VARS1: variants seen among roughly 807,000 people sequenced by gnomAD.
The protein encoded by VARS1 is valine--tRNA ligase.
A neutral mutation model predicts 161.0 loss-of-function variants in VARS1; 92 were observed. The observed-to-expected ratio is 0.57, with a 90% CI of 0.48 to 0.68. The LOEUF (loss-of-function observed/expected upper bound fraction) is 0.68. Among genes scored for constraint, VARS1 ranks in the 30% least tolerant of loss-of-function variants. VARS1 has a pLI of 0.00. For synonymous variants in VARS1, 595 were observed against 682.5 expected, an observed-to-expected ratio of 0.87 and a Z score of 2.00; for missense variants, 1,338 against 1,695.9, an observed-to-expected ratio of 0.79 and a Z score of 3.71.
chr6:31,791,850 T>C lies in VARS1; in HGVS notation c.972+21A>G, dbSNP rs546794433. 7.9e-5 allele frequency: 128 copies of C among 1,611,272 alleles called. No individual in the cohort carries two copies. Among genetic ancestry groups the C allele is most frequent in the Admixed American group, 3.5e-4 (21 of 59,900 alleles). On this transcript the variant is annotated intron_variant, in intron 7 of 29. Transcript: ENST00000375663. The surrounding 1 kb of genome is among the most constrained non-coding windows in gnomAD (Gnocchi z 5.0). ...TTCCCCACCCCACCCACTCTGGGCC[T>C]GGGCAGCAGTGCCTACTCACCCCAT...
At position 31,795,288 on chromosome 6, in the gene VARS1, G is replaced by T; in HGVS notation, c.-33-38C>A. On this transcript the variant is annotated intron_variant, in intron 1 of 29. Coordinates refer to ENST00000375663, the MANE Select transcript of VARS1 (RefSeq NM_006295.3). This position sits in a 1 kb window ranked among gnomAD's most constrained non-coding sequence, Gnocchi z 6.9. The stretch of plus-strand genomic sequence containing the variant: ...AGAGACAGGGGAAGACTGCGGGATC[G>T]AGGTGGGTCCTATGTTTGAGTAGAG... The T allele has an allele frequency of 7.5e-7, 1 of 1,327,416 alleles. No homozygotes were observed. The highest frequency in any genetic ancestry group is 2.5e-5 in the East Asian group (1 of 39,346). The allele number at this position is 1,327,416 out of a possible 1,614,324, so 82.2% of individuals were successfully genotyped here.
At chr6:31,794,652 G>A (rs759969927) in intron 2 of VARS1, among the ~76,000 whole-genome samples, 179 bp downstream of exon 2, 6 of 152,212 alleles carry the variant, frequency 3.9e-5, no homozygotes, top group Non-Finnish European at 7.3e-5. Flanking sequence ...GACATAGGAA[G>A]ACCAAGACAC....
rs5030798 is a variant in VARS1, at chr6:31,779,733, C to A, written c.3163G>T (p.Val1055Phe). 6.2e-7 allele frequency: 1 copy of A among 1,613,022 alleles called. No individual in the cohort carries two copies. The highest frequency in any genetic ancestry group is 8.5e-7 in the Non-Finnish European group (1 of 1,179,998). The change falls in exon 27 of 30, where the codon GTT becomes TTT. Residue 1055 changes from valine (V) to phenylalanine (F), a missense_variant. Physicochemically the swap from Val to Phe is conservative, Grantham distance 50. Around this residue, in one of 3 missense-constraint regions of VARS1, gnomAD observed 433 missense variants for 586.2 expected, o/e 0.74. Transcript: ENST00000375663. This position sits in a 1 kb window ranked among gnomAD's most constrained non-coding sequence, Gnocchi z 9.1. ...AAGGGTGAGAGCAGCCGCAGGCCAACGTCCAGGCAAGTGTACAGGGTCTGG... is the reference window on the plus strand; with the variant it reads ...AAGGGTGAGAGCAGCCGCAGGCCAAAGTCCAGGCAAGTGTACAGGGTCTGG... Reference protein sequence around the residue: ...ARQTLYTCLDVGLRLLSPFMP... With the variant: ...ARQTLYTCLDFGLRLLSPFMP...
Position 31,781,666 on chromosome 6 carries a change from C to G in VARS1, c.2418+25G>C, listed in dbSNP as rs944459535. On this transcript the variant is annotated intron_variant, in intron 20 of 29. Coordinates refer to ENST00000375663, the MANE Select transcript of VARS1 (RefSeq NM_006295.3). The surrounding 1 kb of genome is among the most constrained non-coding windows in gnomAD (Gnocchi z 6.8). ...ACCCACCCTCCAGTCCCCTGTCCCG[C>G]CAAGCCCCGGCCCCAGGAACACACC... The G allele has an allele frequency of 6.8e-6, 11 of 1,612,768 alleles. No homozygotes were observed. Among genetic ancestry groups the G allele is most frequent in the Non-Finnish European group, 8.5e-6 (10 of 1,179,954 alleles).
intron 8 of VARS1, among the ~76,000 whole-genome samples, chr6:31,788,727 T>C (rs1478563058): frequency 6.6e-6 from 1 of 151,598 alleles, no homozygotes; most frequent in East Asian, 1.9e-4. Context: ...GAGTATGCTG[T>C]GAACCTGGGA....
chr6:31,788,645 A>C (rs1321281878), intron 8 of VARS1, among the ~76,000 whole-genome samples: 1 of 144,148 alleles, frequency 6.9e-6, no homozygotes, highest in African/African-American at 2.6e-5. Flanking sequence ...TCTCTACTAA[A>C]AAAAATACAA....
chr6:31,789,469 T>G (rs1813727833), intron 8 of VARS1, among the ~76,000 whole-genome samples: 1 of 152,134 alleles, frequency 6.6e-6, no homozygotes. Context: ...TGCTCAGGCT[T>G]AGCAAGGGTG....
At position 31,795,352 on chromosome 6, in the gene VARS1, G is replaced by T; in HGVS notation, c.-33-102C>A. 1 of 803,982 alleles carries T rather than the reference G, an allele frequency of 1.2e-6. No individual in the cohort carries two copies. The allele number at this position is 803,982 out of a possible 1,614,324, so 49.8% of individuals were successfully genotyped here. On this transcript the variant is annotated intron_variant, in intron 1 of 29. Transcript: ENST00000375663. This position sits in a 1 kb window ranked among gnomAD's most constrained non-coding sequence, Gnocchi z 6.9. Reference sequence around the variant, plus strand: ...GGGAGCTCCTTCGCCGCAGACACCCGAGTCCCATAGGACTGAGGGTCTGAC... The same window carrying T: ...GGGAGCTCCTTCGCCGCAGACACCCTAGTCCCATAGGACTGAGGGTCTGAC...
chr6:31,782,437 C>T lies in VARS1; in HGVS notation c.1998G>A (p.Ser666=), dbSNP rs765077498. ...NPMVVPLCNR[S]KDVVEPLLRP... Reference sequence around the variant, plus strand: ...GCAGCAGAGGCTCTACCACGTCCTTCGACCGGCTGGGGGTACACGTAGGTG... The same window carrying T: ...GCAGCAGAGGCTCTACCACGTCCTTTGACCGGCTGGGGGTACACGTAGGTG... Residue 666 remains serine (S), a synonymous_variant, in exon 17 of 30, where the codon TCG becomes TCA. Transcript: ENST00000375663. This position sits in a 1 kb window ranked among gnomAD's most constrained non-coding sequence, Gnocchi z 8.3. 5.1e-5 allele frequency: 82 copies of T among 1,612,030 alleles called. No homozygotes were observed. Among genetic ancestry groups the T allele is most frequent in the East Asian group, 3.8e-4 (17 of 44,826 alleles).
chr6:31,787,787 G>A (rs2151428053), intron 8 of VARS1, among the ~76,000 whole-genome samples: 1 of 151,702 alleles, frequency 6.6e-6, no homozygotes, highest in South Asian at 2.1e-4. Flanking sequence ...GACCAGCCTG[G>A]GCAACATAGC....
chr6:31,781,091 G>A lies in VARS1; in HGVS notation c.2577C>T (p.His859=), dbSNP rs764173220. ...CTAGAGACTTGCTCATCTTCCGGCC[G>A]TGAGCATCTCGCACGATGGCATGGA... ...VYLHAIVRDA[H]GRKMSKSLGN... The change falls in exon 22 of 30, where the codon CAC becomes CAT. Residue 859 remains histidine, a synonymous_variant. Transcript: ENST00000375663. The surrounding 1 kb of genome is among the most constrained non-coding windows in gnomAD (Gnocchi z 6.8). 56 of 1,613,304 alleles carry A rather than the reference G, an allele frequency of 3.5e-5. No homozygotes were observed. The highest frequency in any genetic ancestry group is 4.4e-5 in the Non-Finnish European group (52 of 1,180,016).
At position 31,781,983 on chromosome 6, in the gene VARS1, G is replaced by T; in HGVS notation, c.2242-31C>A. 1 of 1,613,122 alleles carries T rather than the reference G, an allele frequency of 6.2e-7. No homozygotes were observed. Among genetic ancestry groups the T allele is most frequent in the South Asian group, 1.1e-5 (1 of 91,086 alleles). The stretch of plus-strand genomic sequence containing the variant: ...ACAGGTGCAGTGATTACCCAAGGGG[G>T]TGTGTCTGCTTCTGGCTCACCCTGC... On this transcript the variant is annotated intron_variant, in intron 18 of 29. Coordinates refer to ENST00000375663, the MANE Select transcript of VARS1 (RefSeq NM_006295.3). The surrounding 1 kb of genome is among the most constrained non-coding windows in gnomAD (Gnocchi z 6.8).
At chr6:31,794,808 C>G (rs747769270) in intron 2 of VARS1, 23 bp downstream of exon 2, 3 of 1,530,278 alleles carry the variant, frequency 2.0e-6, no homozygotes, top group Non-Finnish European at 2.7e-6. Flanking sequence ...CTCCCCTCCC[C>G]CTCTTCTGTA....
chr6:31,795,095 A>C lies in VARS1; in HGVS notation c.123T>G (p.Cys41Trp). Residue 41 changes from cysteine to tryptophan, a missense_variant, in exon 2 of 30, where the codon TGT becomes TGG. Coordinates refer to ENST00000375663, the MANE Select transcript of VARS1 (RefSeq NM_006295.3). The surrounding 1 kb of genome is among the most constrained non-coding windows in gnomAD (Gnocchi z 6.9). ...PGWGGAHPRI[C>W]LQPPPTSRTP... The stretch of plus-strand genomic sequence containing the variant: ...TCCTGCTAGTCGGGGGTGGCTGGAG[A>C]CAGATGCGGGGGTGGGCTCCTCCCC... 6.7e-7 allele frequency: 1 copy of C among 1,494,028 alleles called. No homozygotes were observed. The highest frequency in any genetic ancestry group is 8.9e-7 in the Non-Finnish European group (1 of 1,118,636). 92.5% of individuals were successfully genotyped at this position (1,494,028 alleles called of 1,614,324 possible).
chr6:31,787,229 T>C (rs1813566822), intron 8 of VARS1, among the ~76,000 whole-genome samples: 1 of 151,840 alleles, frequency 6.6e-6, no homozygotes, highest in Non-Finnish European at 1.5e-5. Flanking sequence ...AATAAATAAA[T>C]AAACAAATAA....
At chr6:31,788,028 G>C (rs1813616607) in intron 8 of VARS1, among the ~76,000 whole-genome samples, 1 of 151,184 alleles carries the variant, frequency 6.6e-6, no homozygotes. Flanking sequence ...GCTGAGGCAG[G>C]AGAATGGTGT....
Position 31,779,158 on chromosome 6 carries a change from C to T in VARS1, c.3535G>A (p.Ala1179Thr). The T allele has an allele frequency of 1.2e-6, 2 of 1,605,122 alleles. No individual in the cohort carries two copies. The highest frequency in any genetic ancestry group is 1.7e-6 in the Non-Finnish European group (2 of 1,176,456). The change falls in exon 29 of 30, where the codon GCT (alanine) becomes ACT (threonine). Residue 1179 changes from alanine to threonine, a missense_variant. Ala to Thr is a moderately conservative substitution (Grantham distance 58). Coordinates refer to ENST00000375663, the MANE Select transcript of VARS1 (RefSeq NM_006295.3). This position sits in a 1 kb window ranked among gnomAD's most constrained non-coding sequence, Gnocchi z 9.1. The stretch of plus-strand genomic sequence containing the variant: ...ATGGAGCAGCGATCAGAAGCCAGAG[C>T]CACAGCGCAACCCTGGGGGGCGGGA... ...GAPAPQGCAV[A>T]LASDRCSIHL... is the part of the protein sequence containing the mutation.
In VARS1 at chr6:31,785,490, G is replaced by C; in HGVS notation, c.1265+79C>G. On this transcript the variant is annotated intron_variant, in intron 9 of 29. Coordinates refer to ENST00000375663, the MANE Select transcript of VARS1 (RefSeq NM_006295.3). The surrounding 1 kb of genome is among the most constrained non-coding windows in gnomAD (Gnocchi z 6.1). ...GGAGGGTCTGACCCTGTGGCCAAGG[G>C]GTTACAGGTGACAGAGGTCTTCTGG... 1 of 1,526,080 alleles carries C rather than the reference G, an allele frequency of 6.6e-7. No individual in the cohort carries two copies. The highest frequency in any genetic ancestry group is 8.8e-7 in the Non-Finnish European group (1 of 1,133,194). The allele number at this position is 1,526,080 out of a possible 1,614,324, so 94.5% of individuals were successfully genotyped here.
In VARS1 at chr6:31,778,675, A is replaced by C; in HGVS notation, c.3726+292T>G. ...CAAGTGTGTGCCACTATGGCCAGCT[A>C]ATTTTTGTATTTTTGTTGTAGAGAT... is the stretch of plus-strand genomic sequence containing the variant. On this transcript the variant is annotated intron_variant, in intron 29 of 29. Transcript: ENST00000375663. This position sits in a 1 kb window ranked among gnomAD's most constrained non-coding sequence, Gnocchi z 5.1. 4 of 482,002 alleles carry C rather than the reference A, an allele frequency of 8.3e-6. No homozygotes were observed. Among genetic ancestry groups the C allele is most frequent in the East Asian group, 4.1e-5 (1 of 24,506 alleles). The allele number at this position is 482,002 out of a possible 1,614,324, so 29.9% of individuals were successfully genotyped here. A position where few individuals can be genotyped will look rare whatever the true frequency, so the allele number is the denominator to read the frequency against.
Sources: gnomAD v4.1 joint callset for allele counts (sites outside exome capture counted in the v4.1 genomes callset) on GRCh38, gnomAD v4.1.1 for gene constraint, gnomAD v4.1.1 regional missense constraint, Gnocchi (gnomAD v3.1) non-coding constraint, MANE v1.5 for transcripts, NCBI Gene and HGNC (gene_info 2026-07-23, HGNC 2026-07-21) for gene names.